HHLA1: variants seen among roughly 807,000 people sequenced by gnomAD.
HHLA1 encodes the protein HHLA1 neighbor of OC90.
HHLA1 carries 72 observed loss-of-function variants against 69.9 expected under a neutral mutation model. The ratio of observed to expected loss-of-function variants is 1.03; its 90% CI spans 0.85 to 1.25. The LOEUF (loss-of-function observed/expected upper bound fraction) is 1.25, where lower values mean the gene tolerates loss of function less well. Among genes scored for constraint, HHLA1 ranks in the 50% most tolerant of loss-of-function variants. HHLA1 has a pLI of 0.00. For missense variants in HHLA1, 685 were observed against 642.2 expected, an observed-to-expected ratio of 1.07 and a Z score of -0.72; for synonymous variants, 252 against 233.2, an observed-to-expected ratio of 1.08 and a Z score of -0.73.
chr8:132,071,816 C>A (rs896753988), intron 14 of HHLA1, among the ~76,000 whole-genome samples: 3 of 152,002 alleles, frequency 2.0e-5, no homozygotes, highest in Non-Finnish European at 4.4e-5. Context: ...ACAGGGCATA[C>A]AATGACTCTG....
In HHLA1 at chr8:132,095,558, A is replaced by T; in HGVS notation, c.409T>A (p.Tyr137Asn). Residue 137 changes from tyrosine to asparagine, a missense_variant, in exon 7 of 17, where the codon TAT becomes AAT. Coordinates refer to ENST00000414222, the MANE Select transcript of HHLA1 (RefSeq NM_001145095.3). Reference protein sequence around the residue: ...TVDPAKFPTRYCYCLNNRTND... With the variant: ...TVDPAKFPTRNCYCLNNRTND... ...GTCCGATTGTTTAAACAGTAGCAAT[A>T]CCTTGTGGGGAATTTGGCGGGGTCT... is the stretch of plus-strand genomic sequence containing the variant. 1 of 1,550,540 alleles carries T rather than the reference A, an allele frequency of 6.4e-7. No homozygotes were observed.
intron 10 of HHLA1, among the ~76,000 whole-genome samples, chr8:132,084,177 A>G (rs1179640933): frequency 6.6e-6 from 1 of 152,184 alleles, no homozygotes; most frequent in Non-Finnish European, 1.5e-5. Context: ...AGGGCTAGTC[A>G]GGGAACGAAA....
At chr8:132,070,215 G>C in intron 15 of HHLA1, 1 of 654,724 alleles carries the variant, frequency 1.5e-6, no homozygotes, top group Admixed American at 2.2e-5. Context: ...TTTAGTTCTG[G>C]GTTTACAGCC....
intron 3 of HHLA1, among the ~76,000 whole-genome samples, chr8:132,103,820 A>G (rs1381914900): frequency 3.3e-5 from 5 of 152,160 alleles, no homozygotes; most frequent in African/African-American, 9.7e-5. Flanking sequence ...AGGAAAGGCA[A>G]AGAAAGATGA....
chr8:132,077,846 G>A lies in HHLA1; in HGVS notation c.1051C>T (p.Arg351Cys). ...CCTGCAGTAGTCGGTGGGGAAGAAC[G>A]AGTTTCCCAGAGAGACCCTCCAGGT... ...KKPGGSLWET[R>C]SSPPTTAGTE... Residue 351 changes from arginine (R) to cysteine (C), a missense_variant, in exon 12 of 17, where the codon CGT (arginine) becomes TGT (cysteine). Transcript: ENST00000414222. The A allele has an allele frequency of 2.6e-6, 4 of 1,551,520 alleles. No homozygotes were observed. The highest frequency in any genetic ancestry group is 1.7e-6 in the Non-Finnish European group (2 of 1,146,958).
intron 11 of HHLA1, among the ~76,000 whole-genome samples, chr8:132,078,577 A>G (rs1823686463): frequency 6.6e-6 from 1 of 152,046 alleles, no homozygotes. Flanking sequence ...GCTGACACCT[A>G]TCAATTCTTA....
In HHLA1 at chr8:132,098,816, G is replaced by T. The variant is rs200614370; in HGVS notation, c.280+66C>A. On this transcript the variant is annotated intron_variant, in intron 5 of 16. Transcript: ENST00000414222. ...AGTGTCTTGTCAAGGCAACAGAAAG[G>T]TTCAGAAAAGACACTGGTACAAGAA... 7.3e-3 allele frequency: 7,249 copies of T among 993,322 alleles called. 35 individuals carry two copies. The highest frequency in any genetic ancestry group is 9.9e-3 in the Non-Finnish European group (6,427 of 651,962). The allele number at this position is 993,322 out of a possible 1,614,324, so 61.5% of individuals were successfully genotyped here.
rs552173837 is a variant in HHLA1 at position 132,083,239 on chromosome 8, T to C, written c.677-3273A>G. Among the ~76,000 whole-genome samples the C allele has an allele frequency of 3.3e-5, 5 of 152,102 alleles. No homozygotes were observed. In the South Asian group the frequency reaches 1.0e-3, roughly 32 times the overall value. The stretch of plus-strand genomic sequence containing the variant: ...AGGGAAATGCACAGGTGGGGATAAC[T>C]AAAAAGGAGTGCTTAAAAGAGTATT... On this transcript the variant is annotated intron_variant, in intron 10 of 16. Transcript: ENST00000414222.
chr8:132,097,688 C>T (rs921163573), intron 5 of HHLA1, among the ~76,000 whole-genome samples: 5 of 152,240 alleles, frequency 3.3e-5, no homozygotes, highest in African/African-American at 1.2e-4. Flanking sequence ...GCACCCTCTA[C>T]AGGTAGATCA....
intron 1 of HHLA1, among the ~76,000 whole-genome samples, chr8:132,106,054 T>A (rs2469498): frequency 0.49 from 73,966 of 152,078 alleles, 18,493 homozygotes; most frequent in Non-Finnish European, 0.54. Context: ...GATGCCACAT[T>A]GAACACTATC....
chr8:132,092,928 AC>A (rs1408550965), intron 7 of HHLA1, among the ~76,000 whole-genome samples: 1 of 152,190 alleles, frequency 6.6e-6, no homozygotes, highest in Non-Finnish European at 1.5e-5. Flanking sequence ...GGGCCCCAAA[AC>A]CATCAAACCA....
chr8:132,109,662 C>T (rs1341979347), intron 1 of HHLA1, among the ~76,000 whole-genome samples: 4 of 152,110 alleles, frequency 2.6e-5, no homozygotes, highest in Non-Finnish European at 5.9e-5. Flanking sequence ...TGACGTGCAG[C>T]CCCCAGCTCC....
intron 10 of HHLA1, chr8:132,080,407 G>A (rs1823730306): frequency 1.9e-5 from 6 of 322,976 alleles, no homozygotes; most frequent in South Asian, 1.5e-4. Context: ...TACAGTCAAA[G>A]GGGGTTTGTT....
At chr8:132,102,534 C>A (rs1412147832) in intron 3 of HHLA1, among the ~76,000 whole-genome samples, 1 of 152,234 alleles carries the variant, frequency 6.6e-6, no homozygotes, top group African/African-American at 2.4e-5. Flanking sequence ...GAGGCCACTG[C>A]ACCCCCTCAG....
At chr8:132,087,426 TA>T (rs1204337682) in intron 10 of HHLA1, among the ~76,000 whole-genome samples, 9 of 152,140 alleles carry the variant, frequency 5.9e-5, no homozygotes, top group African/African-American at 2.2e-4. Flanking sequence ...GAGTGGCAGT[TA>T]CTCAGCTCCA....
Position 132,083,039 on chromosome 8 carries a change from T to C in HHLA1, c.677-3073A>G, listed in dbSNP as rs1238907525. 3.6e-4 allele frequency among the ~76,000 whole-genome samples: 52 copies of C among 144,216 alleles called. No individual in the cohort carries two copies. In the East Asian group the frequency reaches 8.2e-3, roughly 23 times the overall value. 94.6% of individuals were successfully genotyped at this position (144,216 alleles called of 152,430 possible). A position where few individuals can be genotyped will look rare whatever the true frequency, so the allele number is the denominator to read the frequency against. ...AATGAGATGGTAAGGGGTGCATGAT[T>C]GGTCGCCAAGGAGGGAGTAGAGGTA... On this transcript the variant is annotated intron_variant, in intron 10 of 16. Transcript: ENST00000414222.
chr8:132,102,386 A>G (rs1824123686), intron 3 of HHLA1, among the ~76,000 whole-genome samples: 1 of 152,168 alleles, frequency 6.6e-6, no homozygotes, highest in African/African-American at 2.4e-5. Flanking sequence ...CTGGGGTTAG[A>G]GGTAGGTGGG....
At chr8:132,076,591 C>T (rs1586725893) in intron 12 of HHLA1, 48 bp from the exon 13 acceptor site, 6 of 1,319,154 alleles carry the variant, frequency 4.5e-6, no homozygotes, top group Non-Finnish European at 5.0e-6. Flanking sequence ...TCTAGGGGGC[C>T]CTGAGGGAGA....
At chr8:132,098,677 G>C (rs1824061393) in intron 5 of HHLA1, among the ~76,000 whole-genome samples, 1 of 151,796 alleles carries the variant, frequency 6.6e-6, no homozygotes, top group African/African-American at 2.4e-5. Flanking sequence ...GCCTAGGCTG[G>C]TCTCAAACTC....
Sources: allele counts gnomAD v4.1 joint callset (sites outside exome capture counted in the v4.1 genomes callset), GRCh38; gene constraint gnomAD v4.1.1; transcripts MANE v1.5; gene names NCBI Gene and HGNC (gene_info 2026-07-23, HGNC 2026-07-21).